The following PLCE1 variants were observed in gnomAD, a reference collection of about 807,000 sequenced individuals.
The protein encoded by PLCE1 is phospholipase C epsilon 1, also known as 1-phosphatidylinositol 4,5-bisphosphate phosphodiesterase epsilon-1.
In PLCE1, 119 loss-of-function variants were observed where a neutral mutation model predicts 242.8. That is an observed-to-expected ratio of 0.49 (90% CI 0.42 to 0.57). PLCE1 has a LOEUF of 0.57. Ranked by LOEUF, PLCE1 falls within the 20% of genes least tolerant of loss-of-function variation. PLCE1 has a pLI of 0.00. For synonymous variants in PLCE1, 945 were observed against 1,017.4 expected, an observed-to-expected ratio of 0.93 and a Z score of 1.35; for missense variants, 2,441 against 2,788.8, an observed-to-expected ratio of 0.88 and a Z score of 2.81.
At position 94,200,977 on chromosome 10, in the gene PLCE1, C is replaced by T. The variant is rs557082640; in HGVS notation, c.1810-26329C>T. On this transcript the variant is annotated intron_variant, in intron 4 of 32. Transcript: ENST00000371380. ...AGGCAAGTGTAAGAAACTGTTATAG[C>T]CAAGAGGAGCCTAAAGAGGCATGAT... 2.0e-5 allele frequency among the ~76,000 whole-genome samples: 3 copies of T among 152,166 alleles called. No homozygotes were observed. In the South Asian group the frequency reaches 6.3e-4, roughly 32 times the overall value.
chr10:94,142,856 G>A (rs1050576029), intron 3 of PLCE1, among the ~76,000 whole-genome samples: 5 of 152,302 alleles, frequency 3.3e-5, no homozygotes, highest in African/African-American at 9.6e-5. Flanking sequence ...CTCCTTTAGC[G>A]AGATTTTCCT....
chr10:94,298,292 G>A lies in PLCE1; in HGVS notation c.5168-87G>A. On this transcript the variant is annotated intron_variant, in intron 23 of 32. Coordinates refer to ENST00000371380, the MANE Select transcript of PLCE1 (RefSeq NM_016341.4). The surrounding 1 kb of genome is among the most constrained non-coding windows in gnomAD (Gnocchi z 5.2). ...CTGATGTGGTTTATATGCTATGACT[G>A]TTTACTGGGATGTTGTTCAGGTTTA... is the stretch of plus-strand genomic sequence containing the variant. The A allele has an allele frequency of 8.1e-7, 1 of 1,229,846 alleles. No individual in the cohort carries two copies. The highest frequency in any genetic ancestry group is 1.2e-6 in the Non-Finnish European group (1 of 836,696). The allele number at this position is 1,229,846 out of a possible 1,614,324, so 76.2% of individuals were successfully genotyped here.
chr10:94,092,264 G>A (rs947302858), intron 2 of PLCE1, among the ~76,000 whole-genome samples: 6 of 152,088 alleles, frequency 3.9e-5, no homozygotes, highest in African/African-American at 1.2e-4. Flanking sequence ...TGAGAGGCAC[G>A]GGTGAGAAGA....
At chr10:94,009,007 A>G (rs2061109304) in intron 1 of PLCE1, among the ~76,000 whole-genome samples, 1 of 152,150 alleles carries the variant, frequency 6.6e-6, no homozygotes, top group African/African-American at 2.4e-5. Flanking sequence ...GTCAACTAGT[A>G]ACACACCTTT....
intron 21 of PLCE1, among the ~76,000 whole-genome samples, 196 bp from the exon 22 acceptor site, chr10:94,284,652 G>A (rs1436997376): frequency 2.6e-5 from 4 of 152,144 alleles, no homozygotes; most frequent in African/African-American, 4.8e-5. Flanking sequence ...GGAAGATGGA[G>A]GATGAATTAG....
rs755881803 is a variant in PLCE1 at position 94,089,080 on chromosome 10, G to T, written c.1207-43094G>T. Reference sequence around the variant, plus strand: ...GATTTGAGATTGGGCTTCATTCAGTGGGTCGTGGTGATTAATGGTTTCAGA... The same window carrying T: ...GATTTGAGATTGGGCTTCATTCAGTTGGTCGTGGTGATTAATGGTTTCAGA... On this transcript the variant is annotated intron_variant, in intron 2 of 32. Coordinates refer to ENST00000371380, the MANE Select transcript of PLCE1 (RefSeq NM_016341.4). The T allele has an allele frequency of 1.9e-6, 3 of 1,612,094 alleles. No individual in the cohort carries two copies. The East Asian group carries it at 6.7e-5, about 36-fold the overall frequency.
At chr10:94,039,983 T>C (rs781350609) in intron 2 of PLCE1, among the ~76,000 whole-genome samples, 1 of 152,228 alleles carries the variant, frequency 6.6e-6, no homozygotes, top group Non-Finnish European at 1.5e-5. Flanking sequence ...GGTATAGATA[T>C]ATGAATGAAG....
At chr10:94,001,794 G>A (rs893799588) in intron 1 of PLCE1, among the ~76,000 whole-genome samples, 23 of 152,182 alleles carry the variant, frequency 1.5e-4, no homozygotes, top group Non-Finnish European at 8.8e-5. Context: ...CATATGAAAT[G>A]TTTGCCTGGA....
chr10:94,051,540 A>G (rs1395576842), intron 2 of PLCE1, among the ~76,000 whole-genome samples: 5 of 152,178 alleles, frequency 3.3e-5, no homozygotes, highest in Admixed American at 3.3e-4. Context: ...AAGTATATGC[A>G]TCCCAAAACT....
intron 2 of PLCE1, among the ~76,000 whole-genome samples, chr10:94,066,070 T>C (rs2044187915): frequency 6.6e-6 from 1 of 152,052 alleles, no homozygotes; most frequent in Admixed American, 6.6e-5. Flanking sequence ...ATCTATACTC[T>C]CAGGGGGAGG....
intron 9 of PLCE1, 26 bp downstream of exon 9, chr10:94,252,524 A>G: frequency 2.5e-6 from 4 of 1,585,936 alleles, no homozygotes; most frequent in Non-Finnish European, 3.4e-6. Flanking sequence ...TTTATTAAGC[A>G]TTAAACCCAT....
chr10:94,169,731 T>C (rs1168915757), intron 3 of PLCE1, among the ~76,000 whole-genome samples: 1 of 152,152 alleles, frequency 6.6e-6, no homozygotes, highest in Non-Finnish European at 1.5e-5. Context: ...AGTTAGATAA[T>C]AGGAATTAGC....
At chr10:94,322,149 T>C in intron 30 of PLCE1, 90 bp downstream of exon 30, 2 of 1,255,476 alleles carry the variant, frequency 1.6e-6, no homozygotes, top group Non-Finnish European at 2.3e-6. Flanking sequence ...ATTTTATGAG[T>C]GAAGTTCCTC....
chr10:94,132,525 TTATGTATC>T, intron 3 of PLCE1, 66 bp downstream of exon 3: 1 of 1,436,430 alleles, frequency 7.0e-7, no homozygotes, highest in Non-Finnish European at 9.8e-7. Flanking sequence ...AAGTTAAGAT[TTATGTATC>T]TCCTGATGGA....
intron 2 of PLCE1, among the ~76,000 whole-genome samples, chr10:94,101,943 G>T (rs572182636): frequency 2.4e-4 from 36 of 152,314 alleles, no homozygotes; most frequent in African/African-American, 8.7e-4. Flanking sequence ...GACCACAGGG[G>T]CTATGGGTCA....
Position 94,031,462 on chromosome 10 carries a change from G to C in PLCE1, c.416G>C (p.Gly139Ala). 1 of 1,613,586 alleles carries C rather than the reference G, an allele frequency of 6.2e-7. No homozygotes were observed. Among genetic ancestry groups the C allele is most frequent in the Non-Finnish European group, 8.5e-7 (1 of 1,179,822 alleles). ...GAGGAAGACTTGTGTTTAGAAACTG[G>C]AATTCCTTCTCCACTGGAAAGAAAG... ...VAEEDLCLET[G>A]IPSPLERKVF... The change falls in exon 2 of 33, where the codon GGA becomes GCA. Residue 139 changes from glycine (G) to alanine (A), a missense_variant. Transcript: ENST00000371380.
At chr10:94,196,158 A>G (rs1222100670) in intron 4 of PLCE1, among the ~76,000 whole-genome samples, 1 of 152,210 alleles carries the variant, frequency 6.6e-6, no homozygotes. Context: ...CTTAATGTAT[A>G]AGGTGCATTG....
intron 10 of PLCE1, among the ~76,000 whole-genome samples, 193 bp downstream of exon 10, chr10:94,254,500 C>G (rs2050996427): frequency 6.6e-6 from 1 of 152,190 alleles, no homozygotes; most frequent in Non-Finnish European, 1.5e-5. Context: ...CATTAATTAA[C>G]TTGCCATTAC....
chr10:94,258,718 T>G, intron 11 of PLCE1, 82 bp from the exon 12 acceptor site: 2 of 1,560,088 alleles, frequency 1.3e-6, no homozygotes, highest in Non-Finnish European at 1.8e-6. Context: ...TTGCTCATAT[T>G]GCTAATTGGA....
Sources: allele counts gnomAD v4.1 joint callset (sites outside exome capture counted in the v4.1 genomes callset), GRCh38; gene constraint gnomAD v4.1.1; non-coding constraint Gnocchi (gnomAD v3.1); transcripts MANE v1.5; gene names NCBI Gene and HGNC (gene_info 2026-07-23, HGNC 2026-07-21).